The following MYPOP variants were observed in gnomAD, a reference collection of about 807,000 sequenced individuals.
MYPOP encodes Myb related transcription factor, partner of profilin.
A neutral mutation model predicts 25.7 loss-of-function variants in MYPOP; 21 were observed. That is an observed-to-expected ratio of 0.82 (90% CI 0.58 to 1.18). The LOEUF (loss-of-function observed/expected upper bound fraction) is 1.18. MYPOP is among the 50% of genes most tolerant of loss of function. The pLI, the probability that MYPOP is intolerant of heterozygous loss-of-function variation, is 0.00. For synonymous variants in MYPOP, 280 were observed against 247.9 expected (o/e 1.13, Z -1.22); for missense variants, 566 against 588.3 (o/e 0.96, Z 0.39).
intron 2 of MYPOP, among the ~76,000 whole-genome samples, chr19:45,892,217 G>A (rs1231244125): frequency 6.6e-6 from 1 of 152,126 alleles, no homozygotes; most frequent in Non-Finnish European, 1.5e-5. Flanking sequence ...CACTGCGCTC[G>A]GACAAGGGCC....
Position 45,901,580 on chromosome 19 carries a change from C to A in MYPOP, c.194G>T (p.Gly65Val), listed in dbSNP as rs1432069602. ...GCCCGTGCGCTTCCAGCTGGTGATA[C>A]CGTTGATCTTGGCGGCGATGCCGTC... is the stretch of plus-strand genomic sequence containing the variant. ...VWDGIAAKINGITSWKRTGQE... is the reference protein window; with the variant it reads ...VWDGIAAKINVITSWKRTGQE... Residue 65 changes from glycine to valine, a missense_variant, in exon 2 of 3, where the codon GGT (glycine) becomes GTT (valine). Transcript: ENST00000322217. This position sits in a 1 kb window ranked among gnomAD's most constrained non-coding sequence, Gnocchi z 5.7. The A allele has an allele frequency of 1.2e-6, 2 of 1,612,090 alleles. No homozygotes were observed. The highest frequency in any genetic ancestry group is 2.2e-5 in the South Asian group (2 of 90,968).
In MYPOP at chr19:45,901,973, C is replaced by T; in HGVS notation, c.-52-148G>A. On this transcript the variant is annotated intron_variant, in intron 1 of 2. Transcript: ENST00000322217. This position sits in a 1 kb window ranked among gnomAD's most constrained non-coding sequence, Gnocchi z 5.7. Reference sequence around the variant, plus strand: ...GGGGGCGACGGGCACCCGGGTAAGTCGGAAGCGCCTAAGAGTAGCTGACAC... The same window carrying T: ...GGGGGCGACGGGCACCCGGGTAAGTTGGAAGCGCCTAAGAGTAGCTGACAC... The T allele has an allele frequency of 2.6e-6, 1 of 382,384 alleles. No individual in the cohort carries two copies. The highest frequency in any genetic ancestry group is 4.5e-6 in the Non-Finnish European group (1 of 222,504). The allele number at this position is 382,384 out of a possible 1,614,324, so 23.7% of individuals were successfully genotyped here. A position where few individuals can be genotyped will look rare whatever the true frequency, so the allele number is the denominator to read the frequency against.
chr19:45,899,737 G>C (rs923188638), intron 2 of MYPOP, among the ~76,000 whole-genome samples: 2 of 152,168 alleles, frequency 1.3e-5, no homozygotes, highest in African/African-American at 2.4e-5. Context: ...CTACTCAGGA[G>C]GCTGAGGCAG....
In MYPOP at chr19:45,890,106, G is replaced by C. The variant is rs1967094941; in HGVS notation, c.*517C>G. Reference sequence around the variant, plus strand: ...AGCTCTGGAAGTCAGAGACAGCAATGGTAGGCAGAGAACCCAACCTGTACC... The same window carrying C: ...AGCTCTGGAAGTCAGAGACAGCAATCGTAGGCAGAGAACCCAACCTGTACC... On this transcript the variant is annotated 3_prime_UTR_variant, in exon 3 of 3. Coordinates refer to ENST00000322217, the MANE Select transcript of MYPOP (RefSeq NM_001012643.4). 1 of 152,404 alleles carries C rather than the reference G, an allele frequency of 6.6e-6. No homozygotes were observed. The highest frequency in any genetic ancestry group is 6.5e-5 in the Admixed American group (1 of 15,270). 9.4% of individuals were successfully genotyped at this position (152,404 alleles called of 1,614,324 possible).
chr19:45,893,733 T>C (rs1600566288), intron 2 of MYPOP, among the ~76,000 whole-genome samples: 2 of 152,100 alleles, frequency 1.3e-5, no homozygotes, highest in African/African-American at 4.8e-5. Flanking sequence ...GTGGTGATGG[T>C]TGCATAACTC....
At position 45,901,231 on chromosome 19, in the gene MYPOP, G is replaced by T; in HGVS notation, c.499+44C>A. The stretch of plus-strand genomic sequence containing the variant: ...AAGGCTTTGATGAGACATGTAAAAG[G>T]CTTGCAACAGCGCAGGCACACAGCC... On this transcript the variant is annotated intron_variant, in intron 2 of 2. Transcript: ENST00000322217. The surrounding 1 kb of genome is among the most constrained non-coding windows in gnomAD (Gnocchi z 5.7). 3 of 1,403,914 alleles carry T rather than the reference G, an allele frequency of 2.1e-6. No homozygotes were observed. Among genetic ancestry groups the T allele is most frequent in the Non-Finnish European group, 1.9e-6 (2 of 1,076,980 alleles). 87.0% of individuals were successfully genotyped at this position (1,403,914 alleles called of 1,614,324 possible).
Position 45,890,961 on chromosome 19 carries a change from TCA to T in MYPOP, c.860_861del (p.Leu287GlnfsTer17), listed in dbSNP as rs1967112648. 2 of 1,480,214 alleles carry T rather than the reference TCA, an allele frequency of 1.4e-6. No homozygotes were observed. The highest frequency in any genetic ancestry group is 1.4e-5 in the African/African-American group (1 of 71,286). The allele number at this position is 1,480,214 out of a possible 1,614,324, so 91.7% of individuals were successfully genotyped here. ...GGCAGCAGAGCGCTGAGGGCCTCGC[TCA>T]GTTTGGCCAGTCCCTGTCGAAGGGT... ...AGTLRQGLAKLSEALSALLPL... is the reference protein window; with the variant it reads ...AGTLRQGLAKXSEALSALLPL... On this transcript the variant is annotated frameshift_variant, in exon 3 of 3. Coordinates refer to ENST00000322217, the MANE Select transcript of MYPOP (RefSeq NM_001012643.4). LOFTEE classifies it high-confidence loss of function.
chr19:45,894,270 G>A (rs917862887), intron 2 of MYPOP, among the ~76,000 whole-genome samples: 3 of 148,606 alleles, frequency 2.0e-5, no homozygotes, highest in East Asian at 2.0e-4. Context: ...CCTCCACCAC[G>A]CCCGGCTAAT....
Position 45,890,727 on chromosome 19 carries a change from G to A in MYPOP, c.1096C>T (p.Pro366Ser). 6.3e-7 allele frequency: 1 copy of A among 1,577,074 alleles called. No homozygotes were observed. Among genetic ancestry groups the A allele is most frequent in the Non-Finnish European group, 8.6e-7 (1 of 1,160,238 alleles). ...IIAPRSEEGA[P>S]RPPPAPLPPH... is the part of the protein sequence containing the mutation. ...GGGAGCGGGGCTGGGGGGGGCCGGG[G>A]TGCCCCCTCCTCGCTCCTTGGGGCA... Residue 366 changes from proline to serine, a missense_variant, in exon 3 of 3, where the codon CCC (proline) becomes TCC (serine). Pro to Ser is a moderately conservative substitution (Grantham distance 74). Coordinates refer to ENST00000322217, the MANE Select transcript of MYPOP (RefSeq NM_001012643.4).
In MYPOP at chr19:45,901,786, C is replaced by T. The variant is rs1236735488; in HGVS notation, c.-13G>A. Reference sequence around the variant, plus strand: ...CCGCCGAGGCCATGGCGCCCCCCGACGCCGCCGTCCTGCCGTCTGGCGCAT... The same window carrying T: ...CCGCCGAGGCCATGGCGCCCCCCGATGCCGCCGTCCTGCCGTCTGGCGCAT... On this transcript the variant is annotated 5_prime_UTR_variant, in exon 2 of 3. Coordinates refer to ENST00000322217, the MANE Select transcript of MYPOP (RefSeq NM_001012643.4). The surrounding 1 kb of genome is among the most constrained non-coding windows in gnomAD (Gnocchi z 5.7). 1.4e-6 allele frequency: 2 copies of T among 1,418,716 alleles called. No homozygotes were observed. The highest frequency in any genetic ancestry group is 3.0e-5 in the African/African-American group (2 of 66,550). 87.9% of individuals were successfully genotyped at this position (1,418,716 alleles called of 1,614,324 possible).
intron 2 of MYPOP, among the ~76,000 whole-genome samples, chr19:45,897,656 A>T (rs185737075): frequency 8.3e-4 from 126 of 151,744 alleles, no homozygotes; most frequent in African/African-American, 2.7e-3. Context: ...CCCAGGTTCA[A>T]GGGATCCTCA....
chr19:45,890,571 A>T lies in MYPOP; in HGVS notation c.*52T>A. ...TGGGCAGAGAGCATCGCCCCCCTCG[A>T]CTGCGCCAAGCTGGGGAGAGGGGTT... On this transcript the variant is annotated 3_prime_UTR_variant, in exon 3 of 3. Transcript: ENST00000322217. 1.9e-6 allele frequency: 3 copies of T among 1,596,398 alleles called. No homozygotes were observed. The East Asian group carries it at 6.8e-5, about 36-fold the overall frequency.
intron 1 of MYPOP, among the ~76,000 whole-genome samples, 194 bp from the exon 2 acceptor site, chr19:45,902,019 A>G (rs1967306486): frequency 6.6e-6 from 1 of 150,622 alleles, no homozygotes; most frequent in Non-Finnish European, 1.5e-5. Flanking sequence ...CTTGGCTCGG[A>G]CTTCGCGCGG....
Position 45,890,566 on chromosome 19 carries a change from C to CT in MYPOP, c.*56_*57insA. 1 of 1,591,586 alleles carries CT rather than the reference C, an allele frequency of 6.3e-7. No homozygotes were observed. The highest frequency in any genetic ancestry group is 8.6e-7 in the Non-Finnish European group (1 of 1,167,470). ...TGGGATGGGCAGAGAGCATCGCCCC[C>CT]CTCGACTGCGCCAAGCTGGGGAGAG... On this transcript the variant is annotated 3_prime_UTR_variant, in exon 3 of 3. Coordinates refer to ENST00000322217, the MANE Select transcript of MYPOP (RefSeq NM_001012643.4).
chr19:45,901,214 G>A lies in MYPOP; in HGVS notation c.499+61C>T, dbSNP rs986991230. 2.0e-5 allele frequency: 28 copies of A among 1,371,452 alleles called. No individual in the cohort carries two copies. Among genetic ancestry groups the A allele is most frequent in the Non-Finnish European group, 2.7e-5 (28 of 1,054,254 alleles). 85.0% of individuals were successfully genotyped at this position (1,371,452 alleles called of 1,614,324 possible). A position where few individuals can be genotyped will look rare whatever the true frequency, so the allele number is the denominator to read the frequency against. ...CCTCACAGGGCTGCAGCAAGGCTTT[G>A]ATGAGACATGTAAAAGGCTTGCAAC... On this transcript the variant is annotated intron_variant, in intron 2 of 2. Transcript: ENST00000322217. This position sits in a 1 kb window ranked among gnomAD's most constrained non-coding sequence, Gnocchi z 5.7.
rs1198262139 is a variant in MYPOP, at chr19:45,890,263, C to T, written c.*360G>A. 1 of 202,156 alleles carries T rather than the reference C, an allele frequency of 4.9e-6. No individual in the cohort carries two copies. Among genetic ancestry groups the T allele is most frequent in the Non-Finnish European group, 1.0e-5 (1 of 100,430 alleles). The allele number at this position is 202,156 out of a possible 1,614,324, so 12.5% of individuals were successfully genotyped here. On this transcript the variant is annotated 3_prime_UTR_variant, in exon 3 of 3. Coordinates refer to ENST00000322217, the MANE Select transcript of MYPOP (RefSeq NM_001012643.4). ...TGGGTTGGGGAGGTGGGGAGTCCCC[C>T]ACGGGTCAATTCTCTTCAAGTCAAG... is the stretch of plus-strand genomic sequence containing the variant.
intron 2 of MYPOP, among the ~76,000 whole-genome samples, chr19:45,896,310 CA>C (rs1482718181): frequency 6.6e-6 from 1 of 152,082 alleles, no homozygotes; most frequent in Non-Finnish European, 1.5e-5. Context: ...AGCAAGCAAA[CA>C]AATCAGCCAC....
Position 45,898,354 on chromosome 19 carries a change from C to G in MYPOP, c.499+2921G>C, listed in dbSNP as rs146845293. Among the ~76,000 whole-genome samples, 402 of 150,356 alleles carry G rather than the reference C, an allele frequency of 2.7e-3. 1 individual carries two copies. The highest frequency in any genetic ancestry group is 9.4e-3 in the African/African-American group (384 of 40,822). On this transcript the variant is annotated intron_variant, in intron 2 of 2. Transcript: ENST00000322217. ...TGTTTTTTTTTGAGACTGAGTTTTG[C>G]TCTTGTTGCCCAGGCTGAAGTGCAA...
chr19:45,901,489 C>T lies in MYPOP; in HGVS notation c.285G>A (p.Pro95=). The part of the protein sequence containing the change: ...RRTKEKLARV[P]HSTQGAGPAA... ...CGGGCCCGGCGCCCTGCGTGGAGTG[C>T]GGCACGCGAGCGAGCTTCTCCTTGG... Residue 95 remains proline (P), a synonymous_variant, in exon 2 of 3, where the codon CCG becomes CCA. Coordinates refer to ENST00000322217, the MANE Select transcript of MYPOP (RefSeq NM_001012643.4). The surrounding 1 kb of genome is among the most constrained non-coding windows in gnomAD (Gnocchi z 5.7). The T allele has an allele frequency of 6.2e-7, 1 of 1,608,568 alleles. No individual in the cohort carries two copies. The highest frequency in any genetic ancestry group is 1.1e-5 in the South Asian group (1 of 90,492).
Sources: allele counts gnomAD v4.1 joint callset (sites outside exome capture counted in the v4.1 genomes callset), GRCh38; gene constraint gnomAD v4.1.1; non-coding constraint Gnocchi (gnomAD v3.1); transcripts MANE v1.5; gene names NCBI Gene and HGNC (gene_info 2026-07-23, HGNC 2026-07-21).